The following CRYBG3 variants were observed in gnomAD, a reference collection of about 807,000 sequenced individuals.
CRYBG3 encodes very large A-kinase anchor protein.
In CRYBG3, 127 loss-of-function variants were observed where a neutral mutation model predicts 244.2. The observed-to-expected ratio is 0.52, with a 90% CI of 0.45 to 0.60. CRYBG3 has a LOEUF of 0.60. CRYBG3 is among the 20% of genes least tolerant of loss of function. The pLI is 0.00. For missense variants in CRYBG3, 3,325 were observed against 3,442.5 expected (o/e 0.97, Z 0.85); for synonymous variants, 1,132 against 1,195.8 (o/e 0.95, Z 1.10).
chr3:97,904,013 C>T (rs2039735313), intron 15 of CRYBG3, among the ~76,000 whole-genome samples: 1 of 152,102 alleles, frequency 6.6e-6, no homozygotes, highest in South Asian at 2.1e-4. Context: ...TTTAAGCAAC[C>T]TGAGTTGTTT....
At chr3:97,879,110 C>A (rs2039416235) in intron 4 of CRYBG3, among the ~76,000 whole-genome samples, 1 of 152,132 alleles carries the variant, frequency 6.6e-6, no homozygotes, top group African/African-American at 2.4e-5. Flanking sequence ...CATGGTTCTC[C>A]ACTGCCTACC....
At chr3:97,923,402 T>C (rs2040005216) in intron 17 of CRYBG3, among the ~76,000 whole-genome samples, 1 of 152,050 alleles carries the variant, frequency 6.6e-6, no homozygotes, top group African/African-American at 2.4e-5. Context: ...CCTATATATA[T>C]AGTTAATGGT....
chr3:97,935,324 G>A (rs547019172), intron 18 of CRYBG3, among the ~76,000 whole-genome samples: 4 of 151,952 alleles, frequency 2.6e-5, no homozygotes, highest in Non-Finnish European at 4.4e-5. Context: ...ATCTGCAGCG[G>A]GAGAGGCAGC....
At chr3:97,826,840 T>G (rs1349574703) in intron 1 of CRYBG3, among the ~76,000 whole-genome samples, 2 of 152,258 alleles carry the variant, frequency 1.3e-5, no homozygotes, top group African/African-American at 4.8e-5. Context: ...TAATATGAAC[T>G]CATTATAAAC....
chr3:97,893,600 T>G (rs950668504), intron 11 of CRYBG3, among the ~76,000 whole-genome samples: 1 of 152,254 alleles, frequency 6.6e-6, no homozygotes, highest in African/African-American at 2.4e-5. Flanking sequence ...ATTCGTATCC[T>G]GGTAGGTGAA....
At chr3:97,841,958 G>A (rs2038825765) in intron 1 of CRYBG3, among the ~76,000 whole-genome samples, 1 of 152,130 alleles carries the variant, frequency 6.6e-6, no homozygotes, top group African/African-American at 2.4e-5. Flanking sequence ...ACCTGCTTTT[G>A]CACCTCCTCT....
rs1431796197 is a variant in CRYBG3 at position 97,874,637 on chromosome 3, A to G, written c.3443A>G (p.Asn1148Ser). The change falls in exon 4 of 22, where the codon AAT becomes AGT. Residue 1148 changes from asparagine to serine, a missense_variant. This residue lies in a region of CRYBG3 where 1,526 missense variants were observed against 1,443.2 expected (regional missense o/e 1.06). Transcript: ENST00000389622. ...TTCCCAACTGCTGCCCAATTTGACA[A>G]TCTCGTGGAAGCAGAGACTGGAGCA... is the stretch of plus-strand genomic sequence containing the variant. ...IDFPTAAQFD[N>S]LVEAETGAVA... 6 of 1,535,924 alleles carry G rather than the reference A, an allele frequency of 3.9e-6. No homozygotes were observed. In the Admixed American group the frequency reaches 9.8e-5, roughly 25 times the overall value.
chr3:97,884,417 G>A (rs9847928), intron 7 of CRYBG3, among the ~76,000 whole-genome samples: 67,351 of 151,754 alleles, frequency 0.44, 16,151 homozygotes, highest in East Asian at 0.67. Context: ...CAGGACTGAG[G>A]TATCTTATAT....
chr3:97,824,653 T>C (rs1208510748), intron 1 of CRYBG3, among the ~76,000 whole-genome samples: 2 of 152,192 alleles, frequency 1.3e-5, no homozygotes, highest in Admixed American at 6.5e-5. Flanking sequence ...TCTTTCTTTG[T>C]CACAATTAAA....
chr3:97,933,044 A>C (rs2040116264), intron 17 of CRYBG3: 8 of 425,662 alleles, frequency 1.9e-5, no homozygotes, highest in South Asian at 1.4e-4. Flanking sequence ...CCCCAGACAC[A>C]AGGATAGATG....
intron 2 of CRYBG3, among the ~76,000 whole-genome samples, chr3:97,859,517 A>G (rs937467513): frequency 6.6e-6 from 1 of 152,218 alleles, no homozygotes; most frequent in Admixed American, 6.5e-5. Flanking sequence ...TCACTATTGC[A>G]TCTAAATGCC....
At position 97,915,692 on chromosome 3, in the gene CRYBG3, G is replaced by A. The variant is rs373719826; in HGVS notation, c.8197G>A (p.Gly2733Ser). The change falls in exon 17 of 22, where the codon GGT (glycine) becomes AGT (serine). Residue 2733 changes from glycine (G) to serine (S), a missense_variant. Transcript: ENST00000389622. ...EGLYADLTSC[G>S]CPASKVKSLK... ...CCTCTATGCTGACCTTACTTCCTGC[G>A]GTTGCCCAGCATCTAAAGTCAAATC... 37 of 1,612,606 alleles carry A rather than the reference G, an allele frequency of 2.3e-5. No homozygotes were observed. The highest frequency in any genetic ancestry group is 1.1e-4 in the South Asian group (10 of 90,956).
At position 97,822,059 on chromosome 3, in the gene CRYBG3, T is replaced by C. The variant is rs1292630371; in HGVS notation, c.-148T>C. ...GAGCGCGTCGCGTCCGCACTTCTCC[T>C]GCCCGAGAGAGACTGAGCCGCGCTG... On this transcript the variant is annotated 5_prime_UTR_variant, in exon 1 of 22. Coordinates refer to ENST00000389622, the MANE Select transcript of CRYBG3 (RefSeq NM_153605.4). The C allele has an allele frequency of 7.0e-6, 4 of 575,118 alleles. No individual in the cohort carries two copies. In the East Asian group the frequency reaches 1.0e-4, roughly 15 times the overall value. The allele number at this position is 575,118 out of a possible 1,614,324, so 35.6% of individuals were successfully genotyped here.
At chr3:97,858,467 A>T (rs2039098421) in intron 2 of CRYBG3, among the ~76,000 whole-genome samples, 1 of 151,984 alleles carries the variant, frequency 6.6e-6, no homozygotes, top group Admixed American at 6.6e-5. Flanking sequence ...TTATTTCATT[A>T]AATAGGTTTT....
intron 17 of CRYBG3, among the ~76,000 whole-genome samples, chr3:97,925,846 AT>A (rs34819472): frequency 0.093 from 14,138 of 151,674 alleles, 850 homozygotes; most frequent in Non-Finnish European, 0.13. Flanking sequence ...ATGTATCATA[AT>A]TTTTTTTTAA....
chr3:97,897,515 G>C (rs1303411679), intron 12 of CRYBG3, among the ~76,000 whole-genome samples: 1 of 151,928 alleles, frequency 6.6e-6, no homozygotes, highest in African/African-American at 2.4e-5. Flanking sequence ...AAATCTAGGT[G>C]ACTTTGGAAG....
chr3:97,848,672 C>T (rs1476272392), intron 2 of CRYBG3, among the ~76,000 whole-genome samples: 3 of 152,116 alleles, frequency 2.0e-5, no homozygotes, highest in Non-Finnish European at 2.9e-5. Context: ...GCAATTCGCT[C>T]ACCTCAGTCT....
At chr3:97,823,772 G>A (rs1232189869) in intron 1 of CRYBG3, among the ~76,000 whole-genome samples, 1 of 152,198 alleles carries the variant, frequency 6.6e-6, no homozygotes, top group Non-Finnish European at 1.5e-5. Flanking sequence ...CAAAAGTTGG[G>A]AACTTGAGAG....
chr3:97,852,486 A>T (rs1278883405), intron 2 of CRYBG3, among the ~76,000 whole-genome samples: 1 of 152,090 alleles, frequency 6.6e-6, no homozygotes, highest in African/African-American at 2.4e-5. Context: ...TTAGGAAGTG[A>T]TTGGGAGTAA....
Sources: gnomAD v4.1 joint callset for allele counts (sites outside exome capture counted in the v4.1 genomes callset) on GRCh38, gnomAD v4.1.1 for gene constraint, gnomAD v4.1.1 regional missense constraint, MANE v1.5 for transcripts, NCBI Gene and HGNC (gene_info 2026-07-23, HGNC 2026-07-21) for gene names.